FAM219A: variants seen among roughly 807,000 people sequenced by gnomAD.
The protein encoded by FAM219A is protein FAM219A.
FAM219A carries 7 observed loss-of-function variants against 23.4 expected under a neutral mutation model. The observed-to-expected ratio is 0.30, with a 90% confidence interval of 0.17 to 0.56. The LOEUF is 0.56. Among genes scored for constraint, FAM219A ranks in the 20% least tolerant of loss-of-function variants. The pLI is 0.92. For missense variants in FAM219A, 166 were observed against 246.9 expected (o/e 0.67, Z 2.20); for synonymous variants, 93 against 99.0 (o/e 0.94, Z 0.36).
At chr9:34,435,696 T>C (rs1205602219) in intron 1 of FAM219A, among the ~76,000 whole-genome samples, 2 of 152,248 alleles carry the variant, frequency 1.3e-5, no homozygotes, top group Admixed American at 6.5e-5. Flanking sequence ...GAATATCTTT[T>C]TATGTCAATT....
intron 1 of FAM219A, among the ~76,000 whole-genome samples, chr9:34,406,817 T>C (rs1256873443): frequency 1.3e-5 from 2 of 151,736 alleles, no homozygotes; most frequent in Non-Finnish European, 2.9e-5. Flanking sequence ...TTTTTTTTTT[T>C]TTTGAGACGG....
intron 1 of FAM219A, among the ~76,000 whole-genome samples, chr9:34,433,990 C>T (rs1262816401): frequency 7.2e-5 from 11 of 151,968 alleles, no homozygotes. Flanking sequence ...ATCACAAGGT[C>T]AGGAGATCAA....
Position 34,457,198 on chromosome 9 carries a change from G to A in FAM219A, c.60+1006C>T, listed in dbSNP as rs569314209. On this transcript the variant is annotated intron_variant, in intron 1 of 5. Coordinates refer to ENST00000651358, the MANE Select transcript of FAM219A (RefSeq NM_001184940.2). This position sits in a 1 kb window ranked among gnomAD's most constrained non-coding sequence, Gnocchi z 5.1. ...GCTCCAGGGGGATAAAGCGAACACA[G>A]CCTAGACATTCCCTCTCTTCCCCCC... Among the ~76,000 whole-genome samples the A allele has an allele frequency of 2.0e-5, 3 of 152,310 alleles. No homozygotes were observed. Among genetic ancestry groups the A allele is most frequent in the African/African-American group, 7.2e-5 (3 of 41,562 alleles).
chr9:34,455,814 G>A lies in FAM219A; in HGVS notation c.60+2390C>T, dbSNP rs138372606. Among the ~76,000 whole-genome samples the A allele has an allele frequency of 5.4e-3, 816 of 152,270 alleles. 23 individuals are homozygous for A. In the East Asian group the frequency reaches 0.072, roughly 13 times the overall value. ...CTCTGGAATACAACCTGGGGACAGAGGTCAGGAAGCGGGGCAATGTCTATG... is the reference window on the plus strand; with the variant it reads ...CTCTGGAATACAACCTGGGGACAGAAGTCAGGAAGCGGGGCAATGTCTATG... On this transcript the variant is annotated intron_variant, in intron 1 of 5. Coordinates refer to ENST00000651358, the MANE Select transcript of FAM219A (RefSeq NM_001184940.2).
intron 2 of FAM219A, 72 bp from the exon 3 acceptor site, chr9:34,402,879 T>C (rs1157447224): frequency 7.1e-7 from 1 of 1,416,816 alleles, no homozygotes; most frequent in Non-Finnish European, 9.7e-7. Flanking sequence ...CAGGGCAGCC[T>C]GGGCTGGGCC....
Position 34,399,661 on chromosome 9 carries a change from A to C in FAM219A, c.*1303T>G, listed in dbSNP as rs888877303. 2.6e-5 allele frequency: 4 copies of C among 152,200 alleles called. No homozygotes were observed. Among genetic ancestry groups the C allele is most frequent in the Admixed American group, 2.6e-4 (4 of 15,292 alleles). The allele number at this position is 152,200 out of a possible 1,614,324, so 9.4% of individuals were successfully genotyped here. On this transcript the variant is annotated 3_prime_UTR_variant, in exon 6 of 6. Transcript: ENST00000651358. Reference sequence around the variant, plus strand: ...CCCCACCACAGAAATTTCTATGAAGAAACTCTTTCAGGTATAAAAGGATCT... The same window carrying C: ...CCCCACCACAGAAATTTCTATGAAGCAACTCTTTCAGGTATAAAAGGATCT...
Position 34,416,195 on chromosome 9 carries a change from G to T in FAM219A, c.61-10231C>A, listed in dbSNP as rs923827660. On this transcript the variant is annotated intron_variant, in intron 1 of 5. Transcript: ENST00000651358. Reference sequence around the variant, plus strand: ...TGAGAAGAAAGAGAAAAGAAAGAAAGAAAGAAAGAAAGAAAGAAAGAAAGA... The same window carrying T: ...TGAGAAGAAAGAGAAAAGAAAGAAATAAAGAAAGAAAGAAAGAAAGAAAGA... Among the ~76,000 whole-genome samples the T allele has an allele frequency of 3.2e-4, 12 of 37,042 alleles. No individual in the cohort carries two copies. In the South Asian group the frequency reaches 0.013, roughly 39 times the overall value. 24.3% of individuals were successfully genotyped at this position (37,042 alleles called of 152,430 possible). A position where few individuals can be genotyped will look rare whatever the true frequency, so the allele number is the denominator to read the frequency against.
rs958302909 is a variant in FAM219A, at chr9:34,458,508, G to A, written c.-245C>T. Reference sequence around the variant, plus strand: ...CGGCTGTGGCCGGGCCGAGCCGCAGGTCTTGCCTCGCCTCCTACTCCGCTG... The same window carrying A: ...CGGCTGTGGCCGGGCCGAGCCGCAGATCTTGCCTCGCCTCCTACTCCGCTG... On this transcript the variant is annotated 5_prime_UTR_variant, in exon 1 of 6. Coordinates refer to ENST00000651358, the MANE Select transcript of FAM219A (RefSeq NM_001184940.2). The surrounding 1 kb of genome is among the most constrained non-coding windows in gnomAD (Gnocchi z 6.6). 22 of 376,712 alleles carry A rather than the reference G, an allele frequency of 5.8e-5. No homozygotes were observed. The highest frequency in any genetic ancestry group is 8.6e-5 in the Non-Finnish European group (18 of 208,902). 23.3% of individuals were successfully genotyped at this position (376,712 alleles called of 1,614,324 possible). A position where few individuals can be genotyped will look rare whatever the true frequency, so the allele number is the denominator to read the frequency against.
In FAM219A at chr9:34,446,094, A is replaced by C. The variant is rs557881773; in HGVS notation, c.60+12110T>G. ...AGGCTGAGGCAGAAGAATTGCTTGA[A>C]CCTGGGAGGCAGAGGCTGCAGTGAG... On this transcript the variant is annotated intron_variant, in intron 1 of 5. Coordinates refer to ENST00000651358, the MANE Select transcript of FAM219A (RefSeq NM_001184940.2). Among the ~76,000 whole-genome samples, 3 of 151,072 alleles carry C rather than the reference A, an allele frequency of 2.0e-5. No homozygotes were observed. The South Asian group carries it at 6.3e-4, about 32-fold the overall frequency.
rs1218686712 is a variant in FAM219A, at chr9:34,402,369, C to G, written c.344+18G>C. 1.9e-6 allele frequency: 3 copies of G among 1,614,102 alleles called. No homozygotes were observed. The African/African-American group carries it at 4.0e-5, about 22-fold the overall frequency. On this transcript the variant is annotated intron_variant, in intron 4 of 5. Transcript: ENST00000651358. Reference sequence around the variant, plus strand: ...GTTCCTTTGGGCTGCCCAGCTACCCCCAAGCCCCCATACACACCTGTCCGT... The same window carrying G: ...GTTCCTTTGGGCTGCCCAGCTACCCGCAAGCCCCCATACACACCTGTCCGT...
intron 1 of FAM219A, among the ~76,000 whole-genome samples, chr9:34,416,229 A>T (rs1001372032): frequency 2.2e-5 from 3 of 134,808 alleles, no homozygotes; most frequent in Non-Finnish European, 4.7e-5. Flanking sequence ...GAAAGAAAGA[A>T]AGAAAGAAAG....
intron 1 of FAM219A, among the ~76,000 whole-genome samples, chr9:34,438,312 C>G (rs1823006034): frequency 6.6e-6 from 1 of 152,228 alleles, no homozygotes; most frequent in South Asian, 2.1e-4. Flanking sequence ...ATCGACCACA[C>G]AAGGGCTGAG....
chr9:34,427,253 C>G (rs192652531), intron 1 of FAM219A, among the ~76,000 whole-genome samples: 25 of 152,166 alleles, frequency 1.6e-4, no homozygotes, highest in Admixed American at 1.6e-3. Flanking sequence ...CTCACTGCAG[C>G]CTCAGCCTCC....
chr9:34,406,168 C>T (rs1821630381), intron 1 of FAM219A, among the ~76,000 whole-genome samples: 1 of 152,202 alleles, frequency 6.6e-6, no homozygotes, highest in Admixed American at 6.5e-5. Context: ...AACCAAGGAT[C>T]TGGGTTCCAT....
intron 1 of FAM219A, among the ~76,000 whole-genome samples, chr9:34,416,235 GAAAGAAAGAAAGAAAGAAAGAAAGGGGGA>G (rs1822010539): frequency 1.7e-5 from 2 of 116,914 alleles, no homozygotes; most frequent in African/African-American, 6.5e-5. Context: ...AAGAAAGAAA[GAAAGAAAGAAAGAAAGAAAGAAAGGGGGA>G]GGGAGGGAGG....
At chr9:34,443,616 T>C (rs1823265170) in intron 1 of FAM219A, among the ~76,000 whole-genome samples, 1 of 152,220 alleles carries the variant, frequency 6.6e-6, no homozygotes, top group Non-Finnish European at 1.5e-5. Flanking sequence ...CATGATCTTA[T>C]TTATTTTACA....
chr9:34,416,631 G>A (rs1401279950), intron 1 of FAM219A, among the ~76,000 whole-genome samples: 1 of 151,782 alleles, frequency 6.6e-6, no homozygotes, highest in Non-Finnish European at 1.5e-5. Context: ...TGGGTGTGGT[G>A]GGGTGCTGAG....
chr9:34,415,823 G>A (rs999538099), intron 1 of FAM219A, among the ~76,000 whole-genome samples: 1 of 152,198 alleles, frequency 6.6e-6, no homozygotes, highest in Non-Finnish European at 1.5e-5. Context: ...AACAGAGAGA[G>A]CCATTGGGGA....
intron 1 of FAM219A, among the ~76,000 whole-genome samples, chr9:34,440,315 G>A (rs566390602): frequency 1.3e-5 from 2 of 152,312 alleles, no homozygotes; most frequent in East Asian, 3.9e-4. Context: ...CCCATGGGCA[G>A]GGAACCAGAC....
Sources: allele counts gnomAD v4.1 joint callset (sites outside exome capture counted in the v4.1 genomes callset), GRCh38; gene constraint gnomAD v4.1.1; non-coding constraint Gnocchi (gnomAD v3.1); transcripts MANE v1.5; gene names NCBI Gene and HGNC (gene_info 2026-07-23, HGNC 2026-07-21).